Variants in ABCA5 observed in about 807,000 individuals in gnomAD.
ABCA5 encodes cholesterol transporter ABCA5.
Under a neutral mutation model 206.0 loss-of-function variants are expected in ABCA5, and 163 were observed. The ratio of observed to expected loss-of-function variants is 0.79; its 90% CI spans 0.70 to 0.90. The LOEUF is 0.90. Among genes scored for constraint, ABCA5 ranks in the 40% least tolerant of loss-of-function variants. ABCA5 has a pLI of 0.00. For synonymous variants in ABCA5, 609 were observed against 613.8 expected (o/e 0.99, Z 0.11); for missense variants, 1,859 against 1,912.9 (o/e 0.97, Z 0.53).
chr17:69,267,132 C>T (rs1345047663), intron 23 of ABCA5, among the ~76,000 whole-genome samples: 1 of 152,118 alleles, frequency 6.6e-6, no homozygotes, highest in African/African-American at 2.4e-5. Context: ...ACCTCGGCCT[C>T]CCAAAGTGCT....
In ABCA5 at chr17:69,291,248, T is replaced by G; in HGVS notation, c.1574A>C (p.Asn525Thr). The G allele has an allele frequency of 6.2e-7, 1 of 1,608,174 alleles. No individual in the cohort carries two copies. The highest frequency in any genetic ancestry group is 8.5e-7 in the Non-Finnish European group (1 of 1,176,604). ...HSGTGKSTLM[N>T]ILCGLCPPSD... is the part of the protein sequence containing the mutation. ...AGGTGGGCAGAGTCCACAAAGAATA[T>G]TCATCAATGTACTCTTTCCTGTTCC... is the stretch of plus-strand genomic sequence containing the variant. Residue 525 changes from asparagine to threonine, a missense_variant, in exon 12 of 39, where the codon AAT (asparagine) becomes ACT (threonine). By Grantham distance (65) the Asn-to-Thr change is moderately conservative. Coordinates refer to ENST00000392676, the MANE Select transcript of ABCA5 (RefSeq NM_172232.4).
chr17:69,319,549 G>A (rs2145052193), intron 1 of ABCA5, among the ~76,000 whole-genome samples: 1 of 152,208 alleles, frequency 6.6e-6, no homozygotes, highest in East Asian at 1.9e-4. Flanking sequence ...CTACTCTTGA[G>A]CTGTGTCAGT....
chr17:69,300,874 CT>C (rs2075645074), intron 9 of ABCA5, among the ~76,000 whole-genome samples: 1 of 152,068 alleles, frequency 6.6e-6, no homozygotes, highest in Admixed American at 6.6e-5. Context: ...TTAAAAAAGA[CT>C]GATATAAAGA....
At chr17:69,267,518 T>C (rs922961178) in intron 23 of ABCA5, among the ~76,000 whole-genome samples, 4 of 152,154 alleles carry the variant, frequency 2.6e-5, no homozygotes, top group African/African-American at 9.7e-5. Context: ...AATAAGAATT[T>C]AGCACCTTGA....
rs560493555 is a variant in ABCA5 at position 69,311,271 on chromosome 17, C to A, written c.307+1821G>T. 4.6e-5 allele frequency among the ~76,000 whole-genome samples: 7 copies of A among 152,060 alleles called. No homozygotes were observed. The South Asian group carries it at 1.5e-3, about 32-fold the overall frequency. ...AATGTTAATTAATAGATTTTCCAGG[C>A]CTTTTAAGAGGGACAGGGAACTCCA... On this transcript the variant is annotated intron_variant, in intron 3 of 38. Transcript: ENST00000392676.
rs748157559 is a variant in ABCA5, at chr17:69,255,527, C to T, written c.4068+16G>A. The T allele has an allele frequency of 1.4e-6, 2 of 1,459,588 alleles. No homozygotes were observed. Among genetic ancestry groups the T allele is most frequent in the East Asian group, 2.4e-5 (1 of 42,374 alleles). The allele number at this position is 1,459,588 out of a possible 1,614,324, so 90.4% of individuals were successfully genotyped here. ...TAAATCACATTCAACATATCCTATA[C>T]TCTTATATATCATACCTGGCCTGAA... On this transcript the variant is annotated intron_variant, in intron 31 of 38. Coordinates refer to ENST00000392676, the MANE Select transcript of ABCA5 (RefSeq NM_172232.4).
At position 69,301,218 on chromosome 17, in the gene ABCA5, T is replaced by C. The variant is rs1043497896; in HGVS notation, c.1188A>G (p.Leu396=). Residue 396 remains leucine (L), a synonymous_variant, in exon 9 of 39, where the codon CTA becomes CTG. Transcript: ENST00000392676. The stretch of plus-strand genomic sequence containing the variant: ...GTGTGAGCATGATAATTGTAATAAT[T>C]AGAGGATATGGGCCTGCAGTCAAAT... ...FSNLTAGPYP[L]IITIIMLTLN... 6.9e-6 allele frequency: 11 copies of C among 1,604,836 alleles called. No individual in the cohort carries two copies. The highest frequency in any genetic ancestry group is 6.7e-5 in the African/African-American group (5 of 74,422).
intron 35 of ABCA5, 40 bp downstream of exon 35, chr17:69,251,707 C>T (rs1330852988): frequency 6.3e-7 from 1 of 1,583,126 alleles, no homozygotes; most frequent in South Asian, 1.2e-5. Flanking sequence ...ATCCAACCCC[C>T]AACCTCTTCC....
At chr17:69,311,943 A>C (rs900035622) in intron 3 of ABCA5, among the ~76,000 whole-genome samples, 3 of 152,204 alleles carry the variant, frequency 2.0e-5, no homozygotes, top group Non-Finnish European at 4.4e-5. Context: ...CCATATAACA[A>C]GAAGTGTATT....
chr17:69,271,283 T>C lies in ABCA5; in HGVS notation c.2771A>G (p.Asp924Gly). The change falls in exon 21 of 39, where the codon GAT becomes GGT. Residue 924 changes from aspartate (D) to glycine (G), a missense_variant. Physicochemically the swap from Asp to Gly is moderately conservative, Grantham distance 94 (BLOSUM62 -1). Coordinates refer to ENST00000392676, the MANE Select transcript of ABCA5 (RefSeq NM_172232.4). The part of the protein sequence containing the change: ...SLLLQNSADS[D>G]ISDLISFFTS... Reference sequence around the variant, plus strand: ...GAAAAAGCTAATAAGATCACTGATATCTGAGTCTGGTGTTAGAAAATAAGC... The same window carrying C: ...GAAAAAGCTAATAAGATCACTGATACCTGAGTCTGGTGTTAGAAAATAAGC... The C allele has an allele frequency of 6.2e-7, 1 of 1,610,152 alleles. No homozygotes were observed. The highest frequency in any genetic ancestry group is 8.5e-7 in the Non-Finnish European group (1 of 1,178,554).
At chr17:69,316,852 G>C (rs1419411389) in intron 1 of ABCA5, 1 of 152,174 alleles carries the variant, frequency 6.6e-6, no homozygotes, top group Non-Finnish European at 1.5e-5. Flanking sequence ...CGGAGAAAGT[G>C]GAATACATTA....
chr17:69,285,850 A>G (rs1309588724), intron 17 of ABCA5, 48 bp downstream of exon 17: 2 of 1,554,732 alleles, frequency 1.3e-6, no homozygotes, highest in South Asian at 2.4e-5. Context: ...ACCTATTCCC[A>G]ATATAGGATC....
At chr17:69,260,467 T>C (rs542205100) in intron 26 of ABCA5, 55 bp from the exon 27 acceptor site, 239 of 1,191,652 alleles carry the variant, frequency 2.0e-4, no homozygotes, top group South Asian at 5.0e-4. Flanking sequence ...AATATTTGGA[T>C]TAAAATGAAA....
rs752609672 is a variant in ABCA5, at chr17:69,291,354, T to C, written c.1496-28A>G. 23 of 1,436,812 alleles carry C rather than the reference T, an allele frequency of 1.6e-5. No homozygotes were observed. In the African/African-American group the frequency reaches 2.4e-4, roughly 15 times the overall value. 89.0% of individuals were successfully genotyped at this position (1,436,812 alleles called of 1,614,324 possible). A position where few individuals can be genotyped will look rare whatever the true frequency, so the allele number is the denominator to read the frequency against. On this transcript the variant is annotated intron_variant, in intron 11 of 38. Coordinates refer to ENST00000392676, the MANE Select transcript of ABCA5 (RefSeq NM_172232.4). ...AGTTCAGGAAAAAAGAAGACTCAAATGTAATTTTTATGTCTGTTCAGCTAT... is the reference window on the plus strand; with the variant it reads ...AGTTCAGGAAAAAAGAAGACTCAAACGTAATTTTTATGTCTGTTCAGCTAT...
At position 69,304,736 on chromosome 17, in the gene ABCA5, G is replaced by A. The variant is rs376924166; in HGVS notation, c.863C>T (p.Ser288Phe). ...SLLMAVIATA[S>F]LLFPQSSSIV... The stretch of plus-strand genomic sequence containing the variant: ...GCTGCTACTTTGAGGAAATAACAAA[G>A]AAGCTGTCGCAATGACTGCCATAAG... Residue 288 changes from serine to phenylalanine, a missense_variant, in exon 7 of 39, where the codon TCT (serine) becomes TTT (phenylalanine). Ser to Phe is a radical substitution (Grantham distance 155). Coordinates refer to ENST00000392676, the MANE Select transcript of ABCA5 (RefSeq NM_172232.4). 1.9e-5 allele frequency: 31 copies of A among 1,609,698 alleles called. No homozygotes were observed. The highest frequency in any genetic ancestry group is 1.3e-4 in the Admixed American group (8 of 59,468).
rs763663021 is a variant in ABCA5, at chr17:69,274,000, GGTTT to G, written c.2719_2722del (p.Lys907HisfsTer30). 1.9e-6 allele frequency: 3 copies of G among 1,608,142 alleles called. No individual in the cohort carries two copies. In the African/African-American group the frequency reaches 4.0e-5, roughly 22 times the overall value. The stretch of plus-strand genomic sequence containing the variant: ...AAGCAGACTTGTTTTGTATTTATGT[GGTTT>G]GTCTCCAGGTTTTAGAAAATATAAG... On this transcript the variant is annotated frameshift_variant, in exon 20 of 39. Transcript: ENST00000392676. LOFTEE classifies it high-confidence loss of function.
intron 1 of ABCA5, among the ~76,000 whole-genome samples, chr17:69,324,529 A>G (rs2075885646): frequency 6.6e-6 from 1 of 152,224 alleles, no homozygotes; most frequent in Non-Finnish European, 1.5e-5. Context: ...TCTTTCCTCT[A>G]CTGTACTTTT....
chr17:69,297,064 T>C (rs1217000373), intron 10 of ABCA5, 127 bp downstream of exon 10: 2 of 884,034 alleles, frequency 2.3e-6, no homozygotes, highest in Admixed American at 6.7e-5. Context: ...TAGCCCTTAT[T>C]AATGTTTTAA....
intron 26 of ABCA5, among the ~76,000 whole-genome samples, chr17:69,260,863 C>T (rs1161800945): frequency 6.6e-6 from 1 of 151,860 alleles, no homozygotes; most frequent in South Asian, 2.1e-4. Context: ...AAAACAAATA[C>T]TGACTGAAAC....
Sources: allele counts gnomAD v4.1 joint callset (sites outside exome capture counted in the v4.1 genomes callset), GRCh38; gene constraint gnomAD v4.1.1; transcripts MANE v1.5; gene names NCBI Gene and HGNC (gene_info 2026-07-23, HGNC 2026-07-21).